FBXO42: variants seen among roughly 807,000 people sequenced by gnomAD.
FBXO42 encodes F-box protein 42.
A neutral mutation model predicts 71.7 loss-of-function variants in FBXO42; 12 were observed. The observed-to-expected ratio is 0.17, with a 90% CI of 0.11 to 0.27. The LOEUF is 0.27. Among genes scored for constraint, FBXO42 ranks in the 10% least tolerant of loss-of-function variants. The probability of loss-of-function intolerance (pLI) is 1.00; values close to 1 mark genes in which losing one functional copy is unlikely to be tolerated. For synonymous variants in FBXO42, 325 were observed against 327.5 expected (o/e 0.99, Z 0.08); for missense variants, 707 against 911.9 (o/e 0.78, Z 2.89).
intron 4 of FBXO42, among the ~76,000 whole-genome samples, chr1:16,258,218 T>C (rs1322357051): frequency 6.6e-6 from 1 of 152,152 alleles, no homozygotes; most frequent in Admixed American, 6.5e-5. Context: ...AGTCTCAAGG[T>C]TGAGAAGGTA....
chr1:16,344,486 CTTTT>C (rs59077549), intron 1 of FBXO42, among the ~76,000 whole-genome samples: 1 of 87,160 alleles, frequency 1.1e-5, no homozygotes, highest in East Asian at 3.5e-4. Context: ...ACCCAGCTAA[CTTTT>C]TTTTTTTTTT....
intron 6 of FBXO42, among the ~76,000 whole-genome samples, chr1:16,255,254 A>G (rs61769795): frequency 0.081 from 12,383 of 152,260 alleles, 689 homozygotes; most frequent in Non-Finnish European, 0.12. Flanking sequence ...GTCTGTGATT[A>G]AGGGATTAAA....
intron 1 of FBXO42, among the ~76,000 whole-genome samples, chr1:16,321,109 C>G (rs751414851): frequency 5.3e-5 from 8 of 152,144 alleles, no homozygotes; most frequent in Non-Finnish European, 7.4e-5. Flanking sequence ...AGCAAGCCAA[C>G]ATAAAGAGAC....
At position 16,252,329 on chromosome 1, in the gene FBXO42, C is replaced by T; in HGVS notation, c.997G>A (p.Glu333Lys). The change falls in exon 9 of 10, where the codon GAG becomes AAG. Residue 333 changes from glutamate to lysine, a missense_variant. Physicochemically the swap from Glu to Lys is moderately conservative, Grantham distance 56. Coordinates refer to ENST00000375592, the MANE Select transcript of FBXO42 (RefSeq NM_018994.3). The surrounding 1 kb of genome is among the most constrained non-coding windows in gnomAD (Gnocchi z 4.4). ...CACCACAGTTCTGGGGCCCCATGCT[C>T]TTCATTTTCTACCTTGAGTGGCTGC... Reference protein sequence around the residue: ...AWQPLKVENEEHGAPELWCHP... With the variant: ...AWQPLKVENEKHGAPELWCHP... The T allele has an allele frequency of 6.2e-7, 1 of 1,614,226 alleles. No individual in the cohort carries two copies. The highest frequency in any genetic ancestry group is 1.7e-5 in the Admixed American group (1 of 60,022).
intron 4 of FBXO42, among the ~76,000 whole-genome samples, chr1:16,276,119 C>A (rs1343126777): frequency 6.6e-6 from 1 of 151,910 alleles, no homozygotes; most frequent in South Asian, 2.1e-4. Context: ...CGGTGGCTCA[C>A]GCCTGTAATC....
intron 4 of FBXO42, among the ~76,000 whole-genome samples, chr1:16,261,249 C>G (rs1402043908): frequency 2.0e-5 from 3 of 152,186 alleles, no homozygotes; most frequent in Non-Finnish European, 4.4e-5. Flanking sequence ...CACTCCACCT[C>G]TAATATAGGA....
intron 2 of FBXO42, among the ~76,000 whole-genome samples, chr1:16,314,757 G>A (rs2082346573): frequency 6.6e-6 from 1 of 151,974 alleles, no homozygotes; most frequent in Admixed American, 6.6e-5. Flanking sequence ...GGTGGCAGGC[G>A]CCTGTAGTCC....
intron 1 of FBXO42, among the ~76,000 whole-genome samples, chr1:16,326,075 G>C (rs1199640791): frequency 1.0e-5 from 1 of 96,990 alleles, no homozygotes; most frequent in Non-Finnish European, 2.6e-5. Context: ...TGTGTTTTGA[G>C]ATGGAATTTC....
chr1:16,349,656 T>C (rs1569960731), intron 1 of FBXO42, among the ~76,000 whole-genome samples: 1 of 151,294 alleles, frequency 6.6e-6, no homozygotes, highest in African/African-American at 2.4e-5. Flanking sequence ...CGGTCAGGAG[T>C]TCAAGACCAG....
chr1:16,305,301 C>T (rs990838197), intron 3 of FBXO42, among the ~76,000 whole-genome samples: 2 of 152,140 alleles, frequency 1.3e-5, no homozygotes, highest in Non-Finnish European at 2.9e-5. Context: ...GGCAGAAGGA[C>T]TGCCTGAGCC....
chr1:16,319,910 T>TA (rs113558220), intron 1 of FBXO42, among the ~76,000 whole-genome samples: 165 of 135,268 alleles, frequency 1.2e-3, no homozygotes, highest in African/African-American at 3.4e-3. Flanking sequence ...GACTCCATCT[T>TA]AAAAAAAAAA....
At chr1:16,288,803 C>G (rs2082048332) in intron 4 of FBXO42, among the ~76,000 whole-genome samples, 1 of 151,548 alleles carries the variant, frequency 6.6e-6, no homozygotes, top group South Asian at 2.1e-4. Flanking sequence ...ACTAAATATA[C>G]AAAAATTAGC....
Position 16,256,638 on chromosome 1 carries a change from A to G in FBXO42, c.624T>C (p.Asp208=). 6.2e-7 allele frequency: 1 copy of G among 1,614,198 alleles called. No individual in the cohort carries two copies. The highest frequency in any genetic ancestry group is 1.1e-5 in the South Asian group (1 of 91,086). ...TAGAGGGTGAGTAAGTGTGTATTTC[A>G]TCAAAGAATCTCTCTGGCTGGTGTA... ...YPLHQPERFF[D]EIHTYSPSKN... Residue 208 remains aspartate (D), a synonymous_variant, in exon 5 of 10, where the codon GAT becomes GAC. Transcript: ENST00000375592.
chr1:16,296,834 G>A (rs1352155618), intron 3 of FBXO42, among the ~76,000 whole-genome samples: 1 of 151,876 alleles, frequency 6.6e-6, no homozygotes, highest in African/African-American at 2.4e-5. Context: ...AAAGGGAAAT[G>A]CTACTACTGT....
intron 3 of FBXO42, among the ~76,000 whole-genome samples, chr1:16,304,113 AT>A (rs141862662): frequency 0.54 from 68,290 of 127,392 alleles, 19,099 homozygotes; most frequent in East Asian, 0.84. Context: ...CCAAATTTGT[AT>A]TTTTTTTTTT....
chr1:16,263,084 A>G (rs2081732317), intron 4 of FBXO42, among the ~76,000 whole-genome samples: 4 of 152,192 alleles, frequency 2.6e-5, no homozygotes, highest in Admixed American at 2.6e-4. Context: ...TCTCTACTAG[A>G]ATTTCAAGAA....
At chr1:16,339,930 G>A (rs188247954) in intron 1 of FBXO42, among the ~76,000 whole-genome samples, 23 of 152,238 alleles carry the variant, frequency 1.5e-4, no homozygotes, top group Non-Finnish European at 2.5e-4. Flanking sequence ...TCCAGCCTGG[G>A]TGATAAAGCA....
rs373513903 is a variant in FBXO42 at position 16,252,324 on chromosome 1, A to G, written c.1002T>C (p.His334=). The change falls in exon 9 of 10, where the codon CAT becomes CAC. Residue 334 remains histidine, a synonymous_variant. Coordinates refer to ENST00000375592, the MANE Select transcript of FBXO42 (RefSeq NM_018994.3). This position sits in a 1 kb window ranked among gnomAD's most constrained non-coding sequence, Gnocchi z 4.4. The stretch of plus-strand genomic sequence containing the variant: ...GATGGCACCACAGTTCTGGGGCCCC[A>G]TGCTCTTCATTTTCTACCTTGAGTG... ...WQPLKVENEE[H]GAPELWCHPA... 3 of 1,614,114 alleles carry G rather than the reference A, an allele frequency of 1.9e-6. No individual in the cohort carries two copies. In the African/African-American group the frequency reaches 4.0e-5, roughly 22 times the overall value.
At chr1:16,327,705 T>G (rs959599161) in intron 1 of FBXO42, among the ~76,000 whole-genome samples, 1 of 152,128 alleles carries the variant, frequency 6.6e-6, no homozygotes, top group Non-Finnish European at 1.5e-5. Flanking sequence ...ATGGGAAAGT[T>G]TTTGTTTTGT....
Sources: gnomAD v4.1 joint callset for allele counts (sites outside exome capture counted in the v4.1 genomes callset) on GRCh38, gnomAD v4.1.1 for gene constraint, Gnocchi (gnomAD v3.1) non-coding constraint, MANE v1.5 for transcripts, NCBI Gene and HGNC (gene_info 2026-07-23, HGNC 2026-07-21) for gene names.